Variants in PPEF2 observed in about 807,000 individuals in gnomAD.
The protein encoded by PPEF2 is serine/threonine-protein phosphatase with EF-hands 2.
PPEF2 carries 84 observed loss-of-function variants against 84.7 expected under a neutral mutation model. The ratio of observed to expected loss-of-function variants is 0.99; its 90% CI spans 0.83 to 1.19. The LOEUF (loss-of-function observed/expected upper bound fraction) is 1.19. PPEF2 is among the 50% of genes most tolerant of loss of function. PPEF2 has a pLI of 0.00. For missense variants in PPEF2, 924 were observed against 937.5 expected (o/e 0.99, Z 0.19); for synonymous variants, 346 against 345.2 (o/e 1.00, Z -0.03).
chr4:75,884,911 TG>T, intron 7 of PPEF2, 151 bp from the exon 8 acceptor site: 1 of 644,878 alleles, frequency 1.6e-6, no homozygotes, highest in Non-Finnish European at 2.6e-6. Context: ...CAGTAAATGA[TG>T]GAAGTATCTT....
At chr4:75,893,577 G>T (rs1204433953) in intron 2 of PPEF2, among the ~76,000 whole-genome samples, 1 of 152,084 alleles carries the variant, frequency 6.6e-6, no homozygotes, top group African/African-American at 2.4e-5. Flanking sequence ...AGAGATTCCT[G>T]GTAAACATGC....
chr4:75,894,508 G>A (rs1724963743), intron 2 of PPEF2, among the ~76,000 whole-genome samples: 1 of 152,132 alleles, frequency 6.6e-6, no homozygotes, highest in Admixed American at 6.5e-5. Flanking sequence ...GAAATCAAAA[G>A]CATTGAAGGG....
intron 10 of PPEF2, chr4:75,881,662 C>A (rs1337335647): frequency 1.3e-5 from 2 of 152,182 alleles, no homozygotes; most frequent in Admixed American, 1.3e-4. Flanking sequence ...AGTTACCAAA[C>A]CACAAGGAGT....
intron 10 of PPEF2, 36 bp downstream of exon 10, chr4:75,882,890 T>G: frequency 6.3e-7 from 1 of 1,589,496 alleles, no homozygotes; most frequent in Middle Eastern, 1.7e-4. Context: ...AAACTGGGCA[T>G]TATGGTGAAA....
intron 1 of PPEF2, among the ~76,000 whole-genome samples, chr4:75,898,524 T>A (rs1419869827): frequency 1.3e-5 from 2 of 152,366 alleles, no homozygotes; most frequent in Middle Eastern, 3.4e-3. Flanking sequence ...TCTGAGCTCC[T>A]GAATATCCTG....
At chr4:75,868,950 A>G (rs1430721676) in intron 13 of PPEF2, among the ~76,000 whole-genome samples, 1 of 152,084 alleles carries the variant, frequency 6.6e-6, no homozygotes, top group African/African-American at 2.4e-5. Context: ...TCGAGGTTAC[A>G]GTAAGCTATC....
At chr4:75,873,709 A>C (rs1229222930) in intron 11 of PPEF2, among the ~76,000 whole-genome samples, 1 of 152,222 alleles carries the variant, frequency 6.6e-6, no homozygotes, top group African/African-American at 2.4e-5. Context: ...GGGACTGGCA[A>C]GAGAGTCTCT....
intron 16 of PPEF2, 136 bp from the exon 17 acceptor site, chr4:75,861,056 C>T (rs1201103064): frequency 9.4e-7 from 1 of 1,064,430 alleles, no homozygotes. Flanking sequence ...AATTTAAACT[C>T]CCAAGAGGAT....
intron 16 of PPEF2, among the ~76,000 whole-genome samples, chr4:75,863,348 A>G (rs1021894956): frequency 5.9e-5 from 9 of 151,662 alleles, no homozygotes; most frequent in Non-Finnish European, 1.2e-4. Flanking sequence ...AAAAAAAAAA[A>G]AAATAGCCAG....
intron 13 of PPEF2, among the ~76,000 whole-genome samples, chr4:75,871,750 C>T (rs1027452297): frequency 6.6e-6 from 1 of 152,164 alleles, no homozygotes; most frequent in Non-Finnish European, 1.5e-5. Context: ...GGATTACAGG[C>T]ATGAGCCACT....
chr4:75,881,602 T>C (rs1017460613), intron 10 of PPEF2: 1 of 152,126 alleles, frequency 6.6e-6, no homozygotes, highest in African/African-American at 2.4e-5. Context: ...ATATAACAGA[T>C]GTGTAAGTGA....
intron 11 of PPEF2, among the ~76,000 whole-genome samples, chr4:75,874,902 CTTTTTTT>C (rs547098807): frequency 1.4e-5 from 2 of 138,106 alleles, no homozygotes; most frequent in Admixed American, 1.4e-4. Flanking sequence ...TTCTTTCTTT[CTTTTTTT>C]TTTTTTTTTT....
In PPEF2 at chr4:75,891,883, T is replaced by G. The variant is rs150101422; in HGVS notation, c.151A>C (p.Ile51Leu). The G allele has an allele frequency of 1.2e-6, 2 of 1,614,036 alleles. No individual in the cohort carries two copies. Among genetic ancestry groups the G allele is most frequent in the Non-Finnish European group, 1.7e-6 (2 of 1,179,940 alleles). The part of the protein sequence containing the change: ...RRCTWSIFQS[I>L]EYAGQQDQVK... ...TGGTCTTGCTGCCCAGCATATTCTA[T>G]AGACTGGAAGATGCTCCAGGTGCAA... Residue 51 changes from isoleucine (I) to leucine (L), a missense_variant, in exon 3 of 17, where the codon ATA (isoleucine) becomes CTA (leucine). By Grantham distance (5) the Ile-to-Leu change is conservative (BLOSUM62 2). Coordinates refer to ENST00000286719, the MANE Select transcript of PPEF2 (RefSeq NM_006239.3).
At chr4:75,885,174 T>TA (rs560690292) in intron 7 of PPEF2, among the ~76,000 whole-genome samples, 146 of 152,344 alleles carry the variant, frequency 9.6e-4, no homozygotes, top group Admixed American at 2.7e-3. Context: ...AATATTCCAT[T>TA]AAAAAATATT....
chr4:75,901,016 A>G (rs536795909), intron 1 of PPEF2, among the ~76,000 whole-genome samples: 2 of 152,366 alleles, frequency 1.3e-5, no homozygotes, highest in South Asian at 4.1e-4. Context: ...CCTCTGGAGA[A>G]AGAGGTTGGG....
In PPEF2 at chr4:75,867,434, GA is replaced by G. The variant is rs757108530; in HGVS notation, c.1650-16del. 8 of 1,565,808 alleles carry G rather than the reference GA, an allele frequency of 5.1e-6. No individual in the cohort carries two copies. In the East Asian group the frequency reaches 1.6e-4, roughly 31 times the overall value. On this transcript the variant is annotated splice_polypyrimidine_tract_variant and intron_variant, in intron 13 of 16. Transcript: ENST00000286719. ...CTCTGCTAATCCTGGGACAGGAGAT[GA>G]AAAGCGACATTTTAACACACTGGTA...
chr4:75,897,445 A>G (rs1294406631), intron 1 of PPEF2, among the ~76,000 whole-genome samples: 1 of 152,016 alleles, frequency 6.6e-6, no homozygotes, highest in Non-Finnish European at 1.5e-5. Context: ...CCACATATTC[A>G]GCTCCCTGCT....
rs1212914689 is a variant in PPEF2 at position 75,860,636 on chromosome 4, G to A, written c.*31C>T. ...GTGAGAAGCTGAGCATTGCCTATGA[G>A]GCACTTTGGGTGATGAAGACCAGGC... On this transcript the variant is annotated 3_prime_UTR_variant, in exon 17 of 17. Coordinates refer to ENST00000286719, the MANE Select transcript of PPEF2 (RefSeq NM_006239.3). 6.2e-7 allele frequency: 1 copy of A among 1,610,586 alleles called. No individual in the cohort carries two copies. The highest frequency in any genetic ancestry group is 1.1e-5 in the South Asian group (1 of 90,918).
At position 75,866,200 on chromosome 4, in the gene PPEF2, G is replaced by A; in HGVS notation, c.1909C>T (p.Leu637=). ...SWLKNLAKEQ[L]SRENIQSSLL... The stretch of plus-strand genomic sequence containing the variant: ...TACCACACCGTTACCTCGCGACTCA[G>A]TTGTTCCTTGGCCAAGTTCTTCAGC... Residue 637 remains leucine (L), a synonymous_variant, in exon 15 of 17, where the codon CTG becomes TTG. Coordinates refer to ENST00000286719, the MANE Select transcript of PPEF2 (RefSeq NM_006239.3). 1 of 1,612,774 alleles carries A rather than the reference G, an allele frequency of 6.2e-7. No homozygotes were observed. Among genetic ancestry groups the A allele is most frequent in the Non-Finnish European group, 8.5e-7 (1 of 1,179,186 alleles).
Sources: gnomAD v4.1 joint callset for allele counts (sites outside exome capture counted in the v4.1 genomes callset) on GRCh38, gnomAD v4.1.1 for gene constraint, MANE v1.5 for transcripts, NCBI Gene and HGNC (gene_info 2026-07-23, HGNC 2026-07-21) for gene names.